The following ANXA3 variants were observed in gnomAD, a reference collection of about 807,000 sequenced individuals.
The protein encoded by ANXA3 is 35-alpha calcimedin.
ANXA3 carries 46 observed loss-of-function variants against 48.8 expected under a neutral mutation model. That is an observed-to-expected ratio of 0.94 (90% confidence interval 0.74 to 1.21). The LOEUF is 1.21. Among genes scored for constraint, ANXA3 ranks in the 50% most tolerant of loss-of-function variants. The pLI is 0.00. For missense variants in ANXA3, 383 were observed against 378.6 expected (o/e 1.01, Z -0.10); for synonymous variants, 128 against 134.7 (o/e 0.95, Z 0.35).
intron 12 of ANXA3, among the ~76,000 whole-genome samples, chr4:78,607,955 G>A (rs1723685025): frequency 6.6e-6 from 1 of 152,114 alleles, no homozygotes; most frequent in Admixed American, 6.5e-5. Context: ...GAAGTAATAA[G>A]GCATTTGTTT....
rs557078608 is a variant in ANXA3, at chr4:78,595,880, A to T, written c.627A>T (p.Leu209Phe). The T allele has an allele frequency of 1.9e-6, 3 of 1,593,194 alleles. No homozygotes were observed. The highest frequency in any genetic ancestry group is 2.6e-6 in the Non-Finnish European group (3 of 1,161,268). The change falls in exon 9 of 13, where the codon TTA becomes TTT. Residue 209 changes from leucine (L) to phenylalanine (F), a missense_variant. Coordinates refer to ENST00000264908, the MANE Select transcript of ANXA3 (RefSeq NM_005139.3). ...TGTGTTTAAGGAGCTTTCCTCAATT[A>T]AAACTAAGTACAAACTCACATTACA... ...EILCLRSFPQLKLTFDEYRNI... is the reference protein window; with the variant it reads ...EILCLRSFPQFKLTFDEYRNI...
At chr4:78,588,651 T>C (rs981638859) in intron 6 of ANXA3, among the ~76,000 whole-genome samples, 2 of 152,136 alleles carry the variant, frequency 1.3e-5, no homozygotes, top group Non-Finnish European at 2.9e-5. Context: ...AGCCAGTACC[T>C]ACACGGGGGT....
rs991615691 is a variant in ANXA3, at chr4:78,564,078, A to C, written c.16-9102A>C. Among the ~76,000 whole-genome samples, 60 of 152,264 alleles carry C rather than the reference A, an allele frequency of 3.9e-4. 1 individual carries two copies. The stretch of plus-strand genomic sequence containing the variant: ...AAGAAGATTAATACAAATTATTTAT[A>C]ATCTGCTTTAAACAAATACATGAAA... On this transcript the variant is annotated intron_variant, in intron 2 of 12. Coordinates refer to ENST00000264908, the MANE Select transcript of ANXA3 (RefSeq NM_005139.3).
At chr4:78,551,907 C>G (rs1412454766) in intron 1 of ANXA3, 48 bp downstream of exon 1, 1 of 152,362 alleles carries the variant, frequency 6.6e-6, no homozygotes, top group Non-Finnish European at 1.5e-5. Context: ...CCCACAGCCG[C>G]CTGCTGACGG....
intron 6 of ANXA3, among the ~76,000 whole-genome samples, 154 bp downstream of exon 6, chr4:78,586,504 G>A (rs1723182380): frequency 6.6e-6 from 1 of 152,192 alleles, no homozygotes; most frequent in South Asian, 2.1e-4. Context: ...AAGACTATGA[G>A]TTTCCAGGAA....
intron 4 of ANXA3, among the ~76,000 whole-genome samples, chr4:78,580,518 AG>A (rs1462011434): frequency 2.0e-5 from 3 of 152,194 alleles, no homozygotes; most frequent in Non-Finnish European, 2.9e-5. Flanking sequence ...GTTTGTAAGC[AG>A]AGGAATAATA....
chr4:78,591,508 T>C (rs202227040), intron 6 of ANXA3, 36 bp from the exon 7 acceptor site: 105 of 1,428,018 alleles, frequency 7.4e-5, no homozygotes, highest in Admixed American at 3.7e-4. Flanking sequence ...ATTTTTCAGT[T>C]TGTCAAGGCT....
chr4:78,599,381 A>G (rs562786621), intron 10 of ANXA3, among the ~76,000 whole-genome samples: 2 of 152,258 alleles, frequency 1.3e-5, no homozygotes, highest in Admixed American at 6.5e-5. Flanking sequence ...GGAATCCAAT[A>G]CAATGGTCAA....
intron 10 of ANXA3, among the ~76,000 whole-genome samples, chr4:78,598,187 A>T (rs1353054595): frequency 6.6e-6 from 1 of 151,444 alleles, no homozygotes; most frequent in East Asian, 1.9e-4. Flanking sequence ...AACCACACAC[A>T]CACACACACA....
rs1723731323 is a variant in ANXA3 at position 78,610,232 on chromosome 4, G to A, written c.*117G>A. ...TAAACAGCAACTTGTGTTCCTAACA[G>A]GAATTTTCATTGTTCTATAACAACA... On this transcript the variant is annotated 3_prime_UTR_variant, in exon 13 of 13. Coordinates refer to ENST00000264908, the MANE Select transcript of ANXA3 (RefSeq NM_005139.3). 5.2e-6 allele frequency: 3 copies of A among 572,734 alleles called. No individual in the cohort carries two copies. Among genetic ancestry groups the A allele is most frequent in the Non-Finnish European group, 9.0e-6 (3 of 334,514 alleles). The allele number at this position is 572,734 out of a possible 1,614,324, so 35.5% of individuals were successfully genotyped here.
rs558889270 is a variant in ANXA3 at position 78,595,452 on chromosome 4, G to T, written c.540+15G>T. The T allele has an allele frequency of 2.5e-6, 4 of 1,612,594 alleles. No homozygotes were observed. Among genetic ancestry groups the T allele is most frequent in the Non-Finnish European group, 3.4e-6 (4 of 1,179,506 alleles). The stretch of plus-strand genomic sequence containing the variant: ...AAGATGCCCAGGTCAGTAACAAAGC[G>T]GGAAAACATTTCCTTTACCTATTCT... On this transcript the variant is annotated intron_variant, in intron 8 of 12. Coordinates refer to ENST00000264908, the MANE Select transcript of ANXA3 (RefSeq NM_005139.3).
chr4:78,584,450 A>G, intron 5 of ANXA3, among the ~76,000 whole-genome samples: 1 of 152,128 alleles, frequency 6.6e-6, no homozygotes, highest in East Asian at 1.9e-4. Context: ...TACTGGAATT[A>G]CAGGTGTAAG....
chr4:78,593,203 T>A (rs979912773), intron 7 of ANXA3, among the ~76,000 whole-genome samples: 2 of 151,584 alleles, frequency 1.3e-5, no homozygotes, highest in Non-Finnish European at 2.9e-5. Context: ...TTTGAGGACT[T>A]TTTATTTTTT....
At chr4:78,604,985 T>C (rs1265208818) in intron 12 of ANXA3, among the ~76,000 whole-genome samples, 1 of 152,234 alleles carries the variant, frequency 6.6e-6, no homozygotes, top group Non-Finnish European at 1.5e-5. Context: ...TTCTCAGAAG[T>C]AGGATTTCTG....
At chr4:78,572,554 A>AT (rs1177153238) in intron 2 of ANXA3, among the ~76,000 whole-genome samples, 1 of 152,080 alleles carries the variant, frequency 6.6e-6, no homozygotes, top group African/African-American at 2.4e-5. Context: ...TTGGTTGGAG[A>AT]TGTAATTATA....
intron 3 of ANXA3, among the ~76,000 whole-genome samples, chr4:78,575,111 A>G (rs1336258568): frequency 6.6e-6 from 1 of 152,186 alleles, no homozygotes; most frequent in Non-Finnish European, 1.5e-5. Flanking sequence ...CTCTACTCCA[A>G]TGACTGATGC....
intron 11 of ANXA3, chr4:78,603,001 T>C (rs1387605794): frequency 6.6e-6 from 1 of 152,402 alleles, no homozygotes; most frequent in Non-Finnish European, 1.5e-5. Context: ...GCTGACTCCT[T>C]CTCATCTTTC....
chr4:78,592,897 A>T (rs780083525), intron 7 of ANXA3, among the ~76,000 whole-genome samples: 4 of 152,212 alleles, frequency 2.6e-5, no homozygotes, highest in Non-Finnish European at 4.4e-5. Context: ...AGCAAACAGC[A>T]GCAGGGTATC....
In ANXA3 at chr4:78,566,117, C is replaced by T. The variant is rs540005842; in HGVS notation, c.16-7063C>T. Among the ~76,000 whole-genome samples the T allele has an allele frequency of 2.0e-5, 3 of 152,248 alleles. No individual in the cohort carries two copies. The South Asian group carries it at 6.2e-4, about 32-fold the overall frequency. ...GGGAAGAAACCTAGGAGGTGAGGCA[C>T]AGGAGCCAATGGAAGGCAGGCTAGC... On this transcript the variant is annotated intron_variant, in intron 2 of 12. Transcript: ENST00000264908.
Sources: gnomAD v4.1 joint callset for allele counts (sites outside exome capture counted in the v4.1 genomes callset) on GRCh38, gnomAD v4.1.1 for gene constraint, MANE v1.5 for transcripts, NCBI Gene and HGNC (gene_info 2026-07-23, HGNC 2026-07-21) for gene names.